The following FBP2 variants were observed in gnomAD, a reference collection of about 807,000 sequenced individuals.
The protein encoded by FBP2 is fructose-1,6-bisphosphatase isozyme 2.
FBP2 carries 27 observed loss-of-function variants against 31.6 expected under a neutral mutation model. The ratio of observed to expected loss-of-function variants is 0.85; its 90% CI spans 0.63 to 1.18. The LOEUF (loss-of-function observed/expected upper bound fraction) is 1.18, where lower values mean the gene tolerates loss of function less well. Ranked by LOEUF, FBP2 falls within the 50% of genes most tolerant of loss-of-function variation. The pLI is 0.00. For missense variants in FBP2, 421 were observed against 436.1 expected, an observed-to-expected ratio of 0.97 and a Z score of 0.31; for synonymous variants, 168 against 179.8, an observed-to-expected ratio of 0.93 and a Z score of 0.53.
At chr9:94,588,727 G>A (rs1827457241) in intron 1 of FBP2, among the ~76,000 whole-genome samples, 2 of 150,428 alleles carry the variant, frequency 1.3e-5, no homozygotes, top group African/African-American at 2.5e-5. Flanking sequence ...AGCAGGAGGG[G>A]TCCTCCTAAA....
chr9:94,580,707 A>G (rs996335294), intron 3 of FBP2, among the ~76,000 whole-genome samples: 1 of 152,170 alleles, frequency 6.6e-6, no homozygotes, highest in Admixed American at 6.5e-5. Flanking sequence ...ATTAATCACC[A>G]CTAGGTTTTA....
chr9:94,575,804 G>C (rs1276396112), intron 3 of FBP2, among the ~76,000 whole-genome samples: 1 of 152,194 alleles, frequency 6.6e-6, no homozygotes, highest in African/African-American at 2.4e-5. Context: ...CTCTGGAAGA[G>C]GAGAATGGTG....
chr9:94,577,650 A>C (rs1827329582), intron 3 of FBP2: 1 of 152,258 alleles, frequency 6.6e-6, no homozygotes, highest in Admixed American at 6.5e-5. Context: ...TTAAAAAGAA[A>C]AAAACCCAAA....
intron 3 of FBP2, among the ~76,000 whole-genome samples, chr9:94,573,951 G>C (rs970028755): frequency 6.6e-6 from 1 of 152,056 alleles, no homozygotes; most frequent in African/African-American, 2.4e-5. Context: ...TTCTTTTCTT[G>C]GGCATGAGTT....
intron 3 of FBP2, among the ~76,000 whole-genome samples, chr9:94,581,651 TG>T (rs1400866689): frequency 1.3e-5 from 2 of 152,118 alleles, no homozygotes; most frequent in Non-Finnish European, 2.9e-5. Context: ...CCATCAATAC[TG>T]CCCCCGGAAT....
intron 3 of FBP2, chr9:94,577,669 G>C (rs543174348): frequency 6.6e-6 from 1 of 152,322 alleles, no homozygotes; most frequent in East Asian, 1.9e-4. Flanking sequence ...AACTGCCATA[G>C]AGACTGCTTT....
intron 1 of FBP2, among the ~76,000 whole-genome samples, chr9:94,591,141 G>T (rs579450): frequency 0.75 from 114,566 of 152,164 alleles, 43,321 homozygotes; most frequent in East Asian, 0.8. Context: ...CGCCGTGCGC[G>T]CGCATTCCTC....
chr9:94,562,118 T>C (rs1233102974), intron 6 of FBP2, among the ~76,000 whole-genome samples: 1 of 151,988 alleles, frequency 6.6e-6, no homozygotes, highest in Non-Finnish European at 1.5e-5. Flanking sequence ...GAGACCATCC[T>C]GGCTAACATG....
intron 1 of FBP2, among the ~76,000 whole-genome samples, chr9:94,589,480 C>G (rs1210109718): frequency 1.3e-5 from 2 of 152,218 alleles, no homozygotes; most frequent in African/African-American, 2.4e-5. Context: ...TTGCAGAGGG[C>G]AGGATCCATC....
At position 94,567,722 on chromosome 9, in the gene FBP2, C is replaced by A. The variant is rs1305846354; in HGVS notation, c.568-315G>T. The A allele has an allele frequency of 4.9e-5, 14 of 283,220 alleles. No homozygotes were observed. The Admixed American group carries it at 6.4e-4, about 13-fold the overall frequency. The allele number at this position is 283,220 out of a possible 1,614,324, so 17.5% of individuals were successfully genotyped here. On this transcript the variant is annotated intron_variant, in intron 4 of 6. Coordinates refer to ENST00000375337, the MANE Select transcript of FBP2 (RefSeq NM_003837.4). ...GGCTCCTCATTTATGGTGAACCCAA[C>A]TGTGTGTATCTCCCAAGTTCTCACC...
At chr9:94,582,214 A>G (rs751942425) in intron 3 of FBP2, among the ~76,000 whole-genome samples, 2 of 152,230 alleles carry the variant, frequency 1.3e-5, no homozygotes, top group Non-Finnish European at 2.9e-5. Flanking sequence ...TTTGATATAC[A>G]GGACCTAAAT....
At chr9:94,572,455 A>C (rs1301131858) in intron 3 of FBP2, among the ~76,000 whole-genome samples, 2 of 152,196 alleles carry the variant, frequency 1.3e-5, no homozygotes, top group Non-Finnish European at 2.9e-5. Context: ...TGTACGTAGA[A>C]GCTTTGTAAA....
chr9:94,568,366 C>T (rs1047738891), intron 4 of FBP2: 1 of 152,190 alleles, frequency 6.6e-6, no homozygotes, highest in African/African-American at 2.4e-5. Context: ...TGGTCAGTAC[C>T]TGCAGGGCAT....
intron 3 of FBP2, among the ~76,000 whole-genome samples, chr9:94,582,351 CGTGTGTGTGTGTGTGTGTGT>C (rs71366248): frequency 6.8e-6 from 1 of 147,744 alleles, no homozygotes; most frequent in African/African-American, 2.5e-5. Flanking sequence ...TGTGTGTGTG[CGTGTGTGTGTGTGTGTGTGT>C]GTGTGTGTGT....
At chr9:94,560,504 T>C (rs10115929) in intron 6 of FBP2, among the ~76,000 whole-genome samples, 102,731 of 151,858 alleles carry the variant, frequency 0.68, 35,388 homozygotes, top group African/African-American at 0.8. Context: ...ATCATCTTCT[T>C]CTTTCTCCCC....
intron 1 of FBP2, among the ~76,000 whole-genome samples, chr9:94,589,626 C>T (rs1827468182): frequency 6.6e-6 from 1 of 152,182 alleles, no homozygotes. Context: ...TGAAGGAAAT[C>T]TCAGGTGGTT....
chr9:94,569,296 GTGCTTCC>G, intron 4 of FBP2: 1 of 152,394 alleles, frequency 6.6e-6, no homozygotes, highest in Middle Eastern at 3.4e-3. Flanking sequence ...GACCACTGCC[GTGCTTCC>G]TGCTTCCTGG....
chr9:94,579,751 C>T (rs1827357265), intron 3 of FBP2, among the ~76,000 whole-genome samples: 1 of 152,190 alleles, frequency 6.6e-6, no homozygotes, highest in South Asian at 2.1e-4. Context: ...TGTCTTGCTG[C>T]TTTCAGCTTT....
intron 1 of FBP2, among the ~76,000 whole-genome samples, chr9:94,590,625 T>G (rs1337441828): frequency 6.6e-6 from 1 of 152,158 alleles, no homozygotes; most frequent in Non-Finnish European, 1.5e-5. Context: ...GCTGCAGATC[T>G]TCGCGGTGAG....
Sources: allele counts gnomAD v4.1 joint callset (sites outside exome capture counted in the v4.1 genomes callset), GRCh38; gene constraint gnomAD v4.1.1; transcripts MANE v1.5; gene names NCBI Gene and HGNC (gene_info 2026-07-23, HGNC 2026-07-21).